Variants in DET1 observed in about 807,000 individuals in gnomAD.
The protein encoded by DET1 is DET1 partner of COP1 E3 ubiquitin ligase, also known as DET1 homolog.
DET1 carries 22 observed loss-of-function variants against 43.7 expected under a neutral mutation model. The observed-to-expected ratio is 0.50, with a 90% CI of 0.36 to 0.72. DET1 has a LOEUF of 0.72. Ranked by LOEUF, DET1 falls within the 30% of genes least tolerant of loss-of-function variation. The pLI is 0.00. For synonymous variants in DET1, 315 were observed against 266.2 expected, an observed-to-expected ratio of 1.18 and a Z score of -1.79; for missense variants, 713 against 713.3, an observed-to-expected ratio of 1.00 and a Z score of 0.00.
rs924975450 is a variant in DET1 at position 88,546,556 on chromosome 15, C to G, written c.-27G>C. ...AGTCCTCACCTGTCTGGTCCGGGCT[C>G]AAAGAGCCAGGGCGAGGGATGCCCC... On this transcript the variant is annotated 5_prime_UTR_variant, in exon 1 of 5. It removes the in-frame stop codon of an upstream open reading frame in the 5' UTR. Coordinates refer to ENST00000268148, the MANE Select transcript of DET1 (RefSeq NM_001144074.3). The G allele has an allele frequency of 3.9e-5, 6 of 152,390 alleles. No homozygotes were observed. The highest frequency in any genetic ancestry group is 6.5e-5 in the Admixed American group (1 of 15,292). The allele number at this position is 152,390 out of a possible 1,614,324, so 9.4% of individuals were successfully genotyped here.
At chr15:88,544,965 G>T (rs2057209714) in intron 1 of DET1, among the ~76,000 whole-genome samples, 1 of 152,080 alleles carries the variant, frequency 6.6e-6, no homozygotes, top group Non-Finnish European at 1.5e-5. Flanking sequence ...GAGCCAAACT[G>T]GATGTGTGGA....
Position 88,516,667 on chromosome 15 carries a change from C to A in DET1, c.1463+115G>T. 2 of 926,862 alleles carry A rather than the reference C, an allele frequency of 2.2e-6. No individual in the cohort carries two copies. Among genetic ancestry groups the A allele is most frequent in the Admixed American group, 3.9e-5 (1 of 25,614 alleles). The allele number at this position is 926,862 out of a possible 1,614,324, so 57.4% of individuals were successfully genotyped here. On this transcript the variant is annotated intron_variant, in intron 4 of 4. Transcript: ENST00000268148. The surrounding 1 kb of genome is among the most constrained non-coding windows in gnomAD (Gnocchi z 4.4). The stretch of plus-strand genomic sequence containing the variant: ...TATAGAAATAGCCTGCCTTTTCAAC[C>A]TTACCCATGAGTACGAGTCACAGTC...
At chr15:88,512,339 G>T (rs541268902), downstream of DET1, 1 of 985,366 alleles carries the variant, frequency 1.0e-6, no homozygotes, top group Non-Finnish European at 1.2e-6. Flanking sequence ...TGTCTTCCCT[G>T]TTGGCACTTA....
chr15:88,502,975 TAAG>T (rs1490604623), intron 8 of DET1: 2 of 152,176 alleles, frequency 1.3e-5, no homozygotes, highest in African/African-American at 4.8e-5. Context: ...ACACTAGTGT[TAAG>T]AAGGAGAAAG....
chr15:88,510,820 G>C (rs1289381812), downstream of DET1, among the ~76,000 whole-genome samples: 1 of 150,402 alleles, frequency 6.6e-6, no homozygotes, highest in Non-Finnish European at 1.5e-5. Flanking sequence ...AGGCTGGCTG[G>C]AGTGCAGTGG....
At chr15:88,523,511 C>T (rs1020609954) in intron 3 of DET1, among the ~76,000 whole-genome samples, 8 of 152,186 alleles carry the variant, frequency 5.3e-5, no homozygotes, top group Middle Eastern at 3.2e-3. Flanking sequence ...ACTGTACTGC[C>T]GCCATCTCGG....
intron 1 of DET1, among the ~76,000 whole-genome samples, chr15:88,543,066 A>G (rs1175580178): frequency 6.6e-6 from 1 of 152,228 alleles, no homozygotes; most frequent in Non-Finnish European, 1.5e-5. Flanking sequence ...ACACCGAAGA[A>G]CAGGCTTTTC....
intron 1 of DET1, among the ~76,000 whole-genome samples, chr15:88,539,244 CG>C (rs1331517775): frequency 2.0e-5 from 3 of 151,936 alleles, no homozygotes; most frequent in Non-Finnish European, 4.4e-5. Flanking sequence ...AGCTCCACGG[CG>C]AAAGCTACAC....
At chr15:88,546,090 C>T (rs924040633) in intron 1 of DET1, 5 of 152,140 alleles carry the variant, frequency 3.3e-5, no homozygotes, top group Non-Finnish European at 7.3e-5. Flanking sequence ...CCTTCCTAAA[C>T]CAAGGTATAA....
intron 1 of DET1, among the ~76,000 whole-genome samples, chr15:88,542,562 G>A (rs552990384): frequency 6.6e-6 from 1 of 152,158 alleles, no homozygotes; most frequent in South Asian, 2.1e-4. Context: ...TTAAGAGAAA[G>A]CTCCAGAAAC....
rs548936678 is a variant in DET1, at chr15:88,538,851, C to T, written c.-10-7136G>A. ...CATCTGAGTCCTCAGCTTCTCACCC[C>T]GGGGTCAGGTAGGTCAGATTTGACT... On this transcript the variant is annotated intron_variant, in intron 1 of 4. Transcript: ENST00000268148. 8.5e-5 allele frequency among the ~76,000 whole-genome samples: 13 copies of T among 152,276 alleles called. No individual in the cohort carries two copies. The East Asian group carries it at 9.7e-4, about 11-fold the overall frequency.
At chr15:88,536,393 G>C (rs1006617027) in intron 1 of DET1, 84 of 761,044 alleles carry the variant, frequency 1.1e-4, no homozygotes, top group Non-Finnish European at 1.9e-4. Context: ...TAGGAGAAGG[G>C]ACAGTTAAGC....
At chr15:88,538,339 CTGAT>C (rs2057004892) in intron 1 of DET1, among the ~76,000 whole-genome samples, 1 of 151,090 alleles carries the variant, frequency 6.6e-6, no homozygotes, top group African/African-American at 2.4e-5. Flanking sequence ...AAGAATTCAT[CTGAT>C]TGATAACACC....
chr15:88,509,500 G>C (rs929950474), downstream of DET1, among the ~76,000 whole-genome samples: 1 of 152,210 alleles, frequency 6.6e-6, no homozygotes, highest in African/African-American at 2.4e-5. Context: ...GCTATTTTCA[G>C]CTGTTCAGAG....
At chr15:88,510,641 G>T (rs2056187599), downstream of DET1, among the ~76,000 whole-genome samples, 2 of 152,072 alleles carry the variant, frequency 1.3e-5, no homozygotes, top group Non-Finnish European at 2.9e-5. Context: ...CCTTAAGATG[G>T]GATTATGCCC....
At chr15:88,514,306 G>A (rs2056283347) in intron 4 of DET1, among the ~76,000 whole-genome samples, 1 of 151,918 alleles carries the variant, frequency 6.6e-6, no homozygotes, top group African/African-American at 2.4e-5. Flanking sequence ...GCAGGTCGGG[G>A]TGGGGTGGCA....
At chr15:88,542,540 C>T (rs1023586514) in intron 1 of DET1, among the ~76,000 whole-genome samples, 2 of 152,152 alleles carry the variant, frequency 1.3e-5, no homozygotes, top group African/African-American at 4.8e-5. Context: ...GAGGCTCAGG[C>T]AGCCCTGGAC....
Position 88,532,922 on chromosome 15 carries a change from A to G in DET1, c.-10-1207T>C, listed in dbSNP as rs569657319. On this transcript the variant is annotated intron_variant, in intron 1 of 4. Coordinates refer to ENST00000268148, the MANE Select transcript of DET1 (RefSeq NM_001144074.3). ...AAGACACAAAAGGCATAGGCGACCA[A>G]GACAAAAATAGACAAATGGGAATAC... Among the ~76,000 whole-genome samples the G allele has an allele frequency of 2.0e-5, 3 of 152,370 alleles. No homozygotes were observed. In the Middle Eastern group the frequency reaches 0.01, roughly 518 times the overall value.
At chr15:88,522,221 T>C (rs959041995) in intron 3 of DET1, among the ~76,000 whole-genome samples, 3 of 152,200 alleles carry the variant, frequency 2.0e-5, no homozygotes, top group Non-Finnish European at 4.4e-5. Context: ...TCAGATCTCA[T>C]GAGCCAGGAC....
Sources: allele counts gnomAD v4.1 joint callset (sites outside exome capture counted in the v4.1 genomes callset), GRCh38; gene constraint gnomAD v4.1.1; non-coding constraint Gnocchi (gnomAD v3.1); transcripts MANE v1.5; gene names NCBI Gene and HGNC (gene_info 2026-07-23, HGNC 2026-07-21).